Variants in EPS15 observed in about 807,000 individuals in gnomAD.
EPS15 encodes the protein epidermal growth factor receptor substrate 15.
Under a neutral mutation model 113.8 loss-of-function variants are expected in EPS15, and 72 were observed. The observed-to-expected ratio is 0.63, with a 90% CI of 0.52 to 0.77. The LOEUF (loss-of-function observed/expected upper bound fraction) is 0.77. Ranked by LOEUF, EPS15 falls within the 30% of genes least tolerant of loss-of-function variation. EPS15 has a pLI of 0.00. For synonymous variants in EPS15, 344 were observed against 363.4 expected (o/e 0.95, Z 0.61); for missense variants, 1,048 against 1,045.8 (o/e 1.00, Z -0.03).
intron 8 of EPS15, 47 bp downstream of exon 8, chr1:51,461,044 G>A: frequency 1.6e-6 from 2 of 1,257,050 alleles, no homozygotes; most frequent in East Asian, 4.6e-5. Flanking sequence ...TTGCACATGA[G>A]AAAATCATTA....
chr1:51,475,928 T>C (rs899845328), intron 2 of EPS15, among the ~76,000 whole-genome samples: 2 of 152,232 alleles, frequency 1.3e-5, no homozygotes, highest in African/African-American at 4.8e-5. Context: ...CACCATTTAT[T>C]AAATAGGGAA....
At chr1:51,518,045 T>C (rs756264513) in intron 1 of EPS15, among the ~76,000 whole-genome samples, 1 of 151,858 alleles carries the variant, frequency 6.6e-6, no homozygotes, top group Non-Finnish European at 1.5e-5. Context: ...GATACCACAA[T>C]GCAGGCAAGG....
chr1:51,380,160 G>A lies in EPS15; in HGVS notation c.2120-14131C>T, dbSNP rs12033958. Among the ~76,000 whole-genome samples, 424 of 151,590 alleles carry A rather than the reference G, an allele frequency of 2.8e-3. 15 individuals are homozygous for A. The East Asian group carries it at 0.073, about 26-fold the overall frequency. On this transcript the variant is annotated intron_variant, in intron 21 of 24. Coordinates refer to ENST00000371733, the MANE Select transcript of EPS15 (RefSeq NM_001981.3). The stretch of plus-strand genomic sequence containing the variant: ...AATCGCCTGAACCCAGGAGGCAGAC[G>A]TTGCAGTGAGCCGAGACTGCGTCAC...
At chr1:51,357,427 T>TA (rs57828043) in intron 24 of EPS15, among the ~76,000 whole-genome samples, 1,256 of 44,240 alleles carry the variant, frequency 0.028, 16 homozygotes, top group East Asian at 0.051. Flanking sequence ...TATATATATA[T>TA]TTTTTTTTTT....
intron 1 of EPS15, among the ~76,000 whole-genome samples, chr1:51,509,674 C>T (rs539051526): frequency 6.6e-6 from 1 of 152,178 alleles, no homozygotes; most frequent in African/African-American, 2.4e-5. Context: ...CCTAGACAAG[C>T]TTAGATTTTC....
intron 24 of EPS15, among the ~76,000 whole-genome samples, chr1:51,358,877 T>C (rs1646308283): frequency 1.3e-5 from 2 of 151,904 alleles, no homozygotes; most frequent in African/African-American, 4.8e-5. Context: ...CTAATTTTTG[T>C]ATTTTTAGTA....
intron 2 of EPS15, among the ~76,000 whole-genome samples, chr1:51,475,399 T>G (rs888250946): frequency 6.6e-6 from 1 of 152,194 alleles, no homozygotes; most frequent in Non-Finnish European, 1.5e-5. Context: ...TATCTCACTG[T>G]GGGTTTTATT....
At chr1:51,362,375 T>C (rs1282548434) in intron 23 of EPS15, among the ~76,000 whole-genome samples, 1 of 152,226 alleles carries the variant, frequency 6.6e-6, no homozygotes, top group East Asian at 1.9e-4. Context: ...TTTAGTGCTC[T>C]TTCCAACAAA....
intron 21 of EPS15, among the ~76,000 whole-genome samples, chr1:51,372,081 C>T (rs968787142): frequency 3.9e-5 from 6 of 152,206 alleles, no homozygotes; most frequent in Non-Finnish European, 8.8e-5. Flanking sequence ...CTGATGTTCC[C>T]CTAACCACAC....
chr1:51,468,627 C>T, intron 4 of EPS15, 59 bp from the exon 5 acceptor site: 1 of 1,024,874 alleles, frequency 9.8e-7, no homozygotes, highest in South Asian at 1.4e-5. Flanking sequence ...TACCTACCTG[C>T]ACAAATACTT....
intron 1 of EPS15, among the ~76,000 whole-genome samples, chr1:51,500,697 T>C (rs775037204): frequency 4.0e-5 from 6 of 151,858 alleles, no homozygotes; most frequent in Admixed American, 6.6e-5. Context: ...TAAAAGAAAA[T>C]CTGTAGGTCG....
chr1:51,414,204 G>C (rs539698366), intron 13 of EPS15, among the ~76,000 whole-genome samples: 4 of 152,228 alleles, frequency 2.6e-5, no homozygotes, highest in African/African-American at 9.6e-5. Context: ...CTGAGGTCAG[G>C]AGTTCGAGAC....
intron 18 of EPS15, 102 bp from the exon 19 acceptor site, chr1:51,401,055 T>C: frequency 1.5e-6 from 1 of 674,294 alleles, no homozygotes; most frequent in Non-Finnish European, 2.5e-6. Context: ...CAAAGTTTAT[T>C]TCAATAACTT....
At chr1:51,402,091 T>C (rs1648615226) in intron 18 of EPS15, among the ~76,000 whole-genome samples, 3 of 150,220 alleles carry the variant, frequency 2.0e-5, no homozygotes, top group Admixed American at 1.3e-4. Flanking sequence ...GAGCCGAGAT[T>C]GTGCCACTGC....
At chr1:51,444,330 C>A (rs1369682452) in intron 11 of EPS15, among the ~76,000 whole-genome samples, 1 of 152,036 alleles carries the variant, frequency 6.6e-6, no homozygotes, top group East Asian at 1.9e-4. Flanking sequence ...GTCCAGAAAC[C>A]AAAACTAGGT....
chr1:51,414,861 AT>A (rs1466718261), intron 13 of EPS15, among the ~76,000 whole-genome samples: 9 of 152,208 alleles, frequency 5.9e-5, no homozygotes, highest in Non-Finnish European at 1.0e-4. Context: ...TCACAAATTA[AT>A]ATAAAGAAAT....
At chr1:51,435,904 T>C (rs1246298050) in intron 12 of EPS15, among the ~76,000 whole-genome samples, 1 of 152,198 alleles carries the variant, frequency 6.6e-6, no homozygotes, top group Non-Finnish European at 1.5e-5. Flanking sequence ...GTCTTGAACA[T>C]GAACAAAACT....
chr1:51,460,077 T>G (rs983392135), intron 8 of EPS15, among the ~76,000 whole-genome samples: 1 of 152,098 alleles, frequency 6.6e-6, no homozygotes, highest in South Asian at 2.1e-4. Flanking sequence ...CTAGACAAAA[T>G]CAGATTAAGT....
intron 1 of EPS15, among the ~76,000 whole-genome samples, chr1:51,517,338 CTAAA>C (rs1387365426): frequency 2.0e-5 from 3 of 152,060 alleles, no homozygotes; most frequent in African/African-American, 7.3e-5. Flanking sequence ...ACATTAATAC[CTAAA>C]TATATAACCC....
Sources: allele counts gnomAD v4.1 joint callset (sites outside exome capture counted in the v4.1 genomes callset), GRCh38; gene constraint gnomAD v4.1.1; transcripts MANE v1.5; gene names NCBI Gene and HGNC (gene_info 2026-07-23, HGNC 2026-07-21).